The following MAST4 variants were observed in gnomAD, a reference collection of about 807,000 sequenced individuals.
MAST4 encodes microtubule-associated serine/threonine-protein kinase 4.
MAST4 carries 89 observed loss-of-function variants against 162.7 expected under a neutral mutation model. The ratio of observed to expected loss-of-function variants is 0.55; its 90% confidence interval spans 0.46 to 0.65. The LOEUF (loss-of-function observed/expected upper bound fraction) is 0.65, where lower values mean the gene tolerates loss of function less well. Among genes scored for constraint, MAST4 ranks in the 30% least tolerant of loss-of-function variants. The pLI is 0.00. For missense variants in MAST4, 3,153 were observed against 3,374.0 expected, an observed-to-expected ratio of 0.93 and a Z score of 1.62; for synonymous variants, 1,479 against 1,361.1, an observed-to-expected ratio of 1.09 and a Z score of -1.91.
At chr5:67,134,362 T>A (rs1455141119) in intron 17 of MAST4, among the ~76,000 whole-genome samples, 161 bp from the exon 18 acceptor site, 2 of 152,226 alleles carry the variant, frequency 1.3e-5, no homozygotes, top group African/African-American at 4.8e-5. Flanking sequence ...GTTGGTATTT[T>A]AAATATCTTT....
rs1215393979 is a variant in MAST4 at position 67,130,333 on chromosome 5, T to A, written c.1869T>A (p.Thr623=). 3 of 1,613,858 alleles carry A rather than the reference T, an allele frequency of 1.9e-6. No individual in the cohort carries two copies. Among genetic ancestry groups the A allele is most frequent in the Non-Finnish European group, 2.5e-6 (3 of 1,179,896 alleles). Residue 623 remains threonine (T), a synonymous_variant, in exon 15 of 29, where the codon ACT becomes ACA. Transcript: ENST00000403625. ...QQAFVERDIL[T]FAENPFVVSM... ...CCTTTGTGGAGCGGGATATCCTGAC[T>A]TTTGCAGAAAACCCCTTTGTTGTCA...
At chr5:67,097,520 T>A (rs1196484123) in intron 7 of MAST4, among the ~76,000 whole-genome samples, 1 of 152,136 alleles carries the variant, frequency 6.6e-6, no homozygotes, top group Non-Finnish European at 1.5e-5. Flanking sequence ...TGGCATTTTT[T>A]CAGATAAACC....
At chr5:66,967,702 G>T (rs796507372) in intron 4 of MAST4, among the ~76,000 whole-genome samples, 1 of 133,628 alleles carries the variant, frequency 7.5e-6, no homozygotes, top group African/African-American at 2.9e-5. Context: ...AAAAAAAAAA[G>T]AAAAACATCT....
chr5:67,056,824 G>A (rs928449388), intron 5 of MAST4, among the ~76,000 whole-genome samples: 3 of 151,958 alleles, frequency 2.0e-5, no homozygotes, highest in Non-Finnish European at 4.4e-5. Flanking sequence ...AGCCTCCTGG[G>A]TAGCTGGCAT....
At chr5:66,853,666 A>G (rs1759472923) in intron 3 of MAST4, among the ~76,000 whole-genome samples, 1 of 152,202 alleles carries the variant, frequency 6.6e-6, no homozygotes, top group African/African-American at 2.4e-5. Flanking sequence ...ATATTACAGA[A>G]TGTTTGGACA....
intron 1 of MAST4, among the ~76,000 whole-genome samples, chr5:66,704,067 G>A (rs558792885): frequency 3.9e-5 from 6 of 152,118 alleles, no homozygotes; most frequent in Non-Finnish European, 7.4e-5. Flanking sequence ...ATGTTCCTAG[G>A]TTAGTATGTT....
chr5:66,840,312 C>T (rs1580606046), intron 3 of MAST4, among the ~76,000 whole-genome samples: 1 of 152,012 alleles, frequency 6.6e-6, no homozygotes, highest in African/African-American at 2.4e-5. Flanking sequence ...CCTGTTTTCT[C>T]AATTTTAGCA....
intron 1 of MAST4, among the ~76,000 whole-genome samples, chr5:66,737,088 TA>T (rs1251222550): frequency 6.6e-6 from 1 of 152,210 alleles, no homozygotes; most frequent in Admixed American, 6.5e-5. Context: ...TTGAATAGCT[TA>T]AAAAAAGTTT....
chr5:67,151,454 C>A (rs949276782), intron 24 of MAST4, among the ~76,000 whole-genome samples: 1 of 152,190 alleles, frequency 6.6e-6, no homozygotes, highest in Non-Finnish European at 1.5e-5. Flanking sequence ...AGAGGCCCCA[C>A]CTCTTAAAAC....
chr5:67,144,368 G>A (rs905147978), intron 21 of MAST4, among the ~76,000 whole-genome samples: 1 of 151,946 alleles, frequency 6.6e-6, no homozygotes, highest in African/African-American at 2.4e-5. Context: ...AAACTCCACT[G>A]CATCTGTGGA....
chr5:66,904,431 A>T (rs1763210912), intron 4 of MAST4, among the ~76,000 whole-genome samples: 1 of 152,200 alleles, frequency 6.6e-6, no homozygotes, highest in African/African-American at 2.4e-5. Flanking sequence ...GGTATTTCAG[A>T]TGTCTCCGTA....
intron 4 of MAST4, among the ~76,000 whole-genome samples, chr5:66,960,357 CTAA>C (rs1745860329): frequency 6.6e-6 from 1 of 152,204 alleles, no homozygotes; most frequent in Non-Finnish European, 1.5e-5. Context: ...TGATTTTATA[CTAA>C]TGAGGGACTC....
intron 1 of MAST4, among the ~76,000 whole-genome samples, chr5:66,720,132 T>C (rs1751102445): frequency 1.3e-5 from 2 of 151,722 alleles, no homozygotes; most frequent in African/African-American, 4.9e-5. Context: ...TGATACATAT[T>C]GTTTAATATG....
At chr5:66,620,006 T>C (rs1463771575) in intron 1 of MAST4, among the ~76,000 whole-genome samples, 1 of 150,588 alleles carries the variant, frequency 6.6e-6, no homozygotes, top group Non-Finnish European at 1.5e-5. Flanking sequence ...AATTTTAGTA[T>C]TTTAAATATA....
Position 66,963,284 on chromosome 5 carries a change from C to T in MAST4, c.674+63302C>T, listed in dbSNP as rs145225789. Among the ~76,000 whole-genome samples, 11 of 152,262 alleles carry T rather than the reference C, an allele frequency of 7.2e-5. No individual in the cohort carries two copies. The South Asian group carries it at 1.4e-3, about 20-fold the overall frequency. Reference sequence around the variant, plus strand: ...TTTTCCTTGCAAAAGTGCTTAAAAACGCATCTTCCTATGGGGAAATGTTAG... The same window carrying T: ...TTTTCCTTGCAAAAGTGCTTAAAAATGCATCTTCCTATGGGGAAATGTTAG... On this transcript the variant is annotated intron_variant, in intron 4 of 28. Coordinates refer to ENST00000403625, the MANE Select transcript of MAST4 (RefSeq NM_001164664.2).
At chr5:67,055,253 G>A (rs1012919430) in intron 5 of MAST4, among the ~76,000 whole-genome samples, 1 of 152,168 alleles carries the variant, frequency 6.6e-6, no homozygotes, top group Non-Finnish European at 1.5e-5. Flanking sequence ...GGAAGGTCAG[G>A]AAGTGGGAGG....
chr5:66,937,798 T>A (rs1345413230), intron 4 of MAST4, among the ~76,000 whole-genome samples: 1 of 151,800 alleles, frequency 6.6e-6, no homozygotes, highest in Non-Finnish European at 1.5e-5. Context: ...GGCATCTAAT[T>A]TTTTCTTCCA....
At chr5:66,909,786 A>G (rs1361493284) in intron 4 of MAST4, among the ~76,000 whole-genome samples, 1 of 152,226 alleles carries the variant, frequency 6.6e-6, no homozygotes, top group Non-Finnish European at 1.5e-5. Flanking sequence ...AGGTAGGGCC[A>G]GGTGGAGATA....
intron 3 of MAST4, among the ~76,000 whole-genome samples, chr5:66,896,456 T>TC (rs1022695942): frequency 3.4e-4 from 52 of 152,266 alleles, no homozygotes; most frequent in African/African-American, 1.3e-3. Flanking sequence ...TGGAAGTGAG[T>TC]CACTAGGTCC....
Sources: allele counts gnomAD v4.1 joint callset (sites outside exome capture counted in the v4.1 genomes callset), GRCh38; gene constraint gnomAD v4.1.1; transcripts MANE v1.5; gene names NCBI Gene and HGNC (gene_info 2026-07-23, HGNC 2026-07-21).